SH2D4B: variants seen among roughly 807,000 people sequenced by gnomAD.
The protein encoded by SH2D4B is SH2 domain containing 4B.
SH2D4B carries 45 observed loss-of-function variants against 61.5 expected under a neutral mutation model. The ratio of observed to expected loss-of-function variants is 0.73; its 90% CI spans 0.58 to 0.94. The LOEUF is 0.94. Ranked by LOEUF, SH2D4B falls within the 40% of genes least tolerant of loss-of-function variation. The pLI, the probability that SH2D4B is intolerant of heterozygous loss-of-function variation, is 0.00. For missense variants in SH2D4B, 572 were observed against 574.2 expected, an observed-to-expected ratio of 1.00 and a Z score of 0.04; for synonymous variants, 224 against 220.4, an observed-to-expected ratio of 1.02 and a Z score of -0.14.
At chr10:80,612,354 G>C (rs1027551075) in intron 6 of SH2D4B, among the ~76,000 whole-genome samples, 1 of 152,112 alleles carries the variant, frequency 6.6e-6, no homozygotes, top group Non-Finnish European at 1.5e-5. Context: ...TTGTTAAGGA[G>C]TTTTTGCTGC....
At chr10:80,611,085 G>C (rs1356629786) in intron 6 of SH2D4B, among the ~76,000 whole-genome samples, 2 of 144,230 alleles carry the variant, frequency 1.4e-5, no homozygotes, top group East Asian at 4.3e-4. Flanking sequence ...TGAGGCAGGA[G>C]AATTGCTTGA....
At chr10:80,643,938 A>G in intron 7 of SH2D4B, 55 bp from the exon 8 acceptor site, 1 of 1,345,984 alleles carries the variant, frequency 7.4e-7, no homozygotes, top group Non-Finnish European at 1.1e-6. Context: ...TCTCTCATAG[A>G]TGTGTATTTC....
At chr10:80,611,200 A>C (rs924099162) in intron 6 of SH2D4B, among the ~76,000 whole-genome samples, 5 of 151,244 alleles carry the variant, frequency 3.3e-5, no homozygotes, top group Non-Finnish European at 5.9e-5. Context: ...AAAAAAAAAA[A>C]AAACATTGAT....
intron 1 of SH2D4B, among the ~76,000 whole-genome samples, chr10:80,554,821 A>C (rs1337826618): frequency 6.6e-6 from 1 of 152,038 alleles, no homozygotes; most frequent in Non-Finnish European, 1.5e-5. Flanking sequence ...TATCCTGGCT[A>C]ACACGGTGAA....
chr10:80,589,318 T>C (rs1382370234), intron 4 of SH2D4B, among the ~76,000 whole-genome samples: 2 of 152,150 alleles, frequency 1.3e-5, no homozygotes, highest in African/African-American at 4.8e-5. Context: ...ATATTTCTTG[T>C]ATTAAAAAAA....
chr10:80,557,173 C>A (rs1434305658), intron 1 of SH2D4B, among the ~76,000 whole-genome samples: 2 of 152,148 alleles, frequency 1.3e-5, no homozygotes, highest in South Asian at 2.1e-4. Context: ...TTTTAGTCTG[C>A]TGATAGGACT....
chr10:80,586,307 C>G (rs7095589), intron 3 of SH2D4B, among the ~76,000 whole-genome samples: 40,831 of 152,120 alleles, frequency 0.27, 6,423 homozygotes, highest in African/African-American at 0.43. Flanking sequence ...CCCTGGTGCG[C>G]GATCCACTGG....
intron 7 of SH2D4B, among the ~76,000 whole-genome samples, chr10:80,638,323 C>T (rs1003819874): frequency 6.6e-6 from 1 of 152,184 alleles, no homozygotes; most frequent in African/African-American, 2.4e-5. Flanking sequence ...AGAGGATTCC[C>T]TCTTTTTCTG....
In SH2D4B at chr10:80,538,400, G is replaced by A; in HGVS notation, c.69G>A (p.Gln23=). The A allele has an allele frequency of 6.8e-7, 1 of 1,466,522 alleles. No homozygotes were observed. Among genetic ancestry groups the A allele is most frequent in the African/African-American group, 1.4e-5 (1 of 69,972 alleles). The allele number at this position is 1,466,522 out of a possible 1,614,324, so 90.8% of individuals were successfully genotyped here. Residue 23 remains glutamine, a synonymous_variant, in exon 1 of 8, where the codon CAG becomes CAA. Transcript: ENST00000646907. The surrounding 1 kb of genome is among the most constrained non-coding windows in gnomAD (Gnocchi z 4.8). ...PELLAELSDV[Q]KHILFYKMRE... The stretch of plus-strand genomic sequence containing the variant: ...TCCTTGCCGAGCTCAGCGATGTGCA[G>A]AAGCACATCCTCTTCTACAAAATGC...
At position 80,581,554 on chromosome 10, in the gene SH2D4B, A is replaced by C. The variant is rs543432520; in HGVS notation, c.496-7076A>C. ...TCCTTATAAAAAGGGAGATTTGGAC[A>C]CAGACGGGCACACACTCAGAGGGAA... On this transcript the variant is annotated intron_variant, in intron 3 of 7. Coordinates refer to ENST00000646907, the MANE Select transcript of SH2D4B (RefSeq NM_001388272.1). 8.3e-3 allele frequency among the ~76,000 whole-genome samples: 1,258 copies of C among 152,326 alleles called. 15 individuals are homozygous for C. The highest frequency in any genetic ancestry group is 0.027 in the African/African-American group (1,106 of 41,564).
At chr10:80,603,481 A>T in intron 4 of SH2D4B, 98 bp from the exon 5 acceptor site, 1 of 1,152,226 alleles carries the variant, frequency 8.7e-7, no homozygotes, top group East Asian at 2.6e-5. Context: ...ACTACATTGC[A>T]ATTACTTTTG....
In SH2D4B at chr10:80,629,496, T is replaced by C. The variant is rs903825767; in HGVS notation, c.989-4789T>C. ...AGAGACCTAGACAGTCTCCCAGAAATGGCCCAGCTAAGTTTATGGTGCTGA... is the reference window on the plus strand; with the variant it reads ...AGAGACCTAGACAGTCTCCCAGAAACGGCCCAGCTAAGTTTATGGTGCTGA... On this transcript the variant is annotated intron_variant, in intron 6 of 7. Coordinates refer to ENST00000646907, the MANE Select transcript of SH2D4B (RefSeq NM_001388272.1). Among the ~76,000 whole-genome samples, 3 of 152,230 alleles carry C rather than the reference T, an allele frequency of 2.0e-5. No homozygotes were observed. In the East Asian group the frequency reaches 5.8e-4, roughly 29 times the overall value.
At chr10:80,553,692 G>T (rs930179987) in intron 1 of SH2D4B, among the ~76,000 whole-genome samples, 1 of 152,168 alleles carries the variant, frequency 6.6e-6, no homozygotes, top group African/African-American at 2.4e-5. Context: ...AGGGAGTGAT[G>T]GTGGTGGCTT....
intron 3 of SH2D4B, among the ~76,000 whole-genome samples, chr10:80,579,600 C>T (rs981882434): frequency 3.3e-5 from 5 of 152,048 alleles, no homozygotes; most frequent in African/African-American, 9.7e-5. Context: ...TCCTCCCACT[C>T]CCACCTCTTC....
chr10:80,540,677 C>G, intron 1 of SH2D4B: 1 of 689,028 alleles, frequency 1.5e-6, no homozygotes, highest in Non-Finnish European at 2.4e-6. Context: ...TTCACTTGTT[C>G]ACTCATTCAC....
At chr10:80,641,500 G>T (rs1840309510) in intron 7 of SH2D4B, among the ~76,000 whole-genome samples, 1 of 152,270 alleles carries the variant, frequency 6.6e-6, no homozygotes, top group Non-Finnish European at 1.5e-5. Flanking sequence ...CCCAGCAATG[G>T]CAGACGCCTG....
intron 1 of SH2D4B, among the ~76,000 whole-genome samples, chr10:80,548,698 C>T (rs1054878196): frequency 6.6e-6 from 1 of 152,208 alleles, no homozygotes; most frequent in Admixed American, 6.5e-5. Context: ...AGGTCATGCT[C>T]GTCTCCTTCC....
chr10:80,619,889 A>T (rs1240733963), intron 6 of SH2D4B, among the ~76,000 whole-genome samples: 1 of 152,240 alleles, frequency 6.6e-6, no homozygotes, highest in Non-Finnish European at 1.5e-5. Flanking sequence ...GAGTCTGGGC[A>T]CACTTCCGTT....
At chr10:80,624,795 C>A (rs1013431660) in intron 6 of SH2D4B, among the ~76,000 whole-genome samples, 23 of 152,064 alleles carry the variant, frequency 1.5e-4, no homozygotes, top group African/African-American at 5.6e-4. Flanking sequence ...TGCACTGCCT[C>A]CAAAGGACAT....
Sources: allele counts gnomAD v4.1 joint callset (sites outside exome capture counted in the v4.1 genomes callset), GRCh38; gene constraint gnomAD v4.1.1; non-coding constraint Gnocchi (gnomAD v3.1); transcripts MANE v1.5; gene names NCBI Gene and HGNC (gene_info 2026-07-23, HGNC 2026-07-21).